The following ANK3 variants were observed in gnomAD, a reference collection of about 807,000 sequenced individuals.
ANK3 encodes the protein ankyrin-3.
ANK3 carries 57 observed loss-of-function variants against 370.9 expected under a neutral mutation model. That is an observed-to-expected ratio of 0.15 (90% CI 0.12 to 0.19). ANK3 has a LOEUF of 0.19. Ranked by LOEUF, ANK3 falls within the 10% of genes least tolerant of loss-of-function variation. The pLI is 1.00. For synonymous variants in ANK3, 1,929 were observed against 1,946.3 expected (o/e 0.99, Z 0.23); for missense variants, 4,439 against 5,302.1 (o/e 0.84, Z 5.06).
Position 60,082,655 on chromosome 10 carries a change from G to A in ANK3, c.4283C>T (p.Ala1428Val), listed in dbSNP as rs767554170. Residue 1428 changes from alanine to valine, a missense_variant, in exon 34 of 44, where the codon GCG becomes GTG. By Grantham distance (64) the Ala-to-Val change is moderately conservative. This residue lies in a region of ANK3 where 702 missense variants were observed against 941.5 expected (regional missense o/e 0.75). Coordinates refer to ENST00000280772, the MANE Select transcript of ANK3 (RefSeq NM_020987.5). ...CAGAGTGATATTTAAGTTGCAAACC[G>A]CTGTTTGAGGCAGTCCTTTTGTTGT... is the stretch of plus-strand genomic sequence containing the variant. ...PKTTKGLPQT[A>V]VCNLNITLPA... The A allele has an allele frequency of 6.8e-6, 11 of 1,614,076 alleles. No homozygotes were observed. Among genetic ancestry groups the A allele is most frequent in the Middle Eastern group, 1.7e-4 (1 of 6,060 alleles).
chr10:60,247,529 C>T (rs887254953), intron 7 of ANK3, among the ~76,000 whole-genome samples: 6 of 152,208 alleles, frequency 3.9e-5, no homozygotes, highest in African/African-American at 1.4e-4. Context: ...CCCCTTTCCT[C>T]CCAGCCCAGG....
chr10:60,315,444 G>A (rs994155385), intron 1 of ANK3, among the ~76,000 whole-genome samples: 4 of 151,996 alleles, frequency 2.6e-5, no homozygotes, highest in African/African-American at 9.7e-5. Flanking sequence ...AAGAAGTTGG[G>A]CATAGAACCC....
At chr10:60,035,242 AT>A (rs1301664671) in intron 43 of ANK3, among the ~76,000 whole-genome samples, 6 of 151,748 alleles carry the variant, frequency 4.0e-5, no homozygotes, top group Non-Finnish European at 5.9e-5. Context: ...TTTCTTATTT[AT>A]TTTTTAATTA....
At chr10:60,270,570 A>C (rs936785347) in intron 4 of ANK3, among the ~76,000 whole-genome samples, 6 of 152,212 alleles carry the variant, frequency 3.9e-5, no homozygotes, top group African/African-American at 1.2e-4. Flanking sequence ...GTCTACCATG[A>C]GTAAGTATTT....
intron 2 of ANK3, among the ~76,000 whole-genome samples, chr10:60,561,245 A>G (rs1467135571): frequency 6.6e-6 from 1 of 152,240 alleles, no homozygotes; most frequent in Non-Finnish European, 1.5e-5. Flanking sequence ...CTGTATTCCA[A>G]GGTAATATTT....
At chr10:60,592,160 T>C (rs1294541637) in intron 2 of ANK3, among the ~76,000 whole-genome samples, 1 of 152,168 alleles carries the variant, frequency 6.6e-6, no homozygotes, top group Non-Finnish European at 1.5e-5. Context: ...TCACATTGAA[T>C]GCCTGTATCA....
At chr10:60,475,289 A>G (rs2075032844) in intron 2 of ANK3, among the ~76,000 whole-genome samples, 1 of 151,200 alleles carries the variant, frequency 6.6e-6, no homozygotes, top group Non-Finnish European at 1.5e-5. Context: ...GTCAACTATG[A>G]CAGAAAAAGT....
chr10:60,112,697 T>G (rs1448431485), intron 26 of ANK3, among the ~76,000 whole-genome samples: 5 of 152,134 alleles, frequency 3.3e-5, no homozygotes, highest in African/African-American at 1.2e-4. Flanking sequence ...CATTATAAGG[T>G]TCAAGTAAAT....
intron 7 of ANK3, among the ~76,000 whole-genome samples, chr10:60,247,860 T>C (rs201654766): frequency 6.6e-6 from 1 of 152,156 alleles, no homozygotes; most frequent in East Asian, 1.9e-4. Context: ...AGAGATGGCA[T>C]TTCACCATGT....
At chr10:60,138,756 T>C (rs1382209181) in intron 24 of ANK3, 1 of 639,220 alleles carries the variant, frequency 1.6e-6, no homozygotes, top group East Asian at 2.9e-5. Flanking sequence ...AACACACAAT[T>C]AACATGTTCA....
intron 1 of ANK3, among the ~76,000 whole-genome samples, chr10:60,340,283 A>G (rs1244384642): frequency 1.3e-5 from 2 of 152,192 alleles, no homozygotes; most frequent in Non-Finnish European, 2.9e-5. Flanking sequence ...CAGAGTACTG[A>G]ACTATAATGG....
At chr10:60,368,078 A>C (rs1277238853) in intron 1 of ANK3, among the ~76,000 whole-genome samples, 1 of 152,196 alleles carries the variant, frequency 6.6e-6, no homozygotes, top group Non-Finnish European at 1.5e-5. Context: ...AAATACAAGT[A>C]GCCCTGTATC....
chr10:60,455,103 C>T (rs1046762992), intron 2 of ANK3, among the ~76,000 whole-genome samples: 22 of 151,928 alleles, frequency 1.4e-4, no homozygotes, highest in Non-Finnish European at 3.2e-4. Context: ...AACTCCAATG[C>T]ATAAAACAGA....
At chr10:60,488,383 T>A (rs1938528) in intron 2 of ANK3, among the ~76,000 whole-genome samples, 51,211 of 152,088 alleles carry the variant, frequency 0.34, 9,003 homozygotes, top group Middle Eastern at 0.39. Context: ...TGAGAAATAT[T>A]TTTTAAAATG....
chr10:60,339,126 A>T (rs961756273), intron 1 of ANK3, among the ~76,000 whole-genome samples: 1 of 152,188 alleles, frequency 6.6e-6, no homozygotes, highest in Non-Finnish European at 1.5e-5. Context: ...TAGCATGATT[A>T]AAAGGTTCAG....
intron 34 of ANK3, 79 bp from the exon 35 acceptor site, chr10:60,082,255 GGACT>G (rs1564873709): frequency 7.9e-7 from 1 of 1,259,608 alleles, no homozygotes; most frequent in Admixed American, 1.9e-5. Flanking sequence ...GATATGAAAA[GGACT>G]GAGTAGGGAG....
chr10:60,288,192 C>G (rs1232201021), intron 1 of ANK3, among the ~76,000 whole-genome samples: 1 of 152,122 alleles, frequency 6.6e-6, no homozygotes, highest in Non-Finnish European at 1.5e-5. Context: ...CACTTTCCCT[C>G]CCCGACCAAC....
At chr10:60,551,454 T>C (rs1204834615) in intron 2 of ANK3, among the ~76,000 whole-genome samples, 1 of 152,148 alleles carries the variant, frequency 6.6e-6, no homozygotes, top group Non-Finnish European at 1.5e-5. Flanking sequence ...CATTTACAAA[T>C]TAACCCACAA....
chr10:60,481,464 GAT>G (rs57285526), intron 2 of ANK3, among the ~76,000 whole-genome samples: 1 of 150,856 alleles, frequency 6.6e-6, no homozygotes, highest in Non-Finnish European at 1.5e-5. Flanking sequence ...ACACAAGGAA[GAT>G]ATATATATAT....
Sources: allele counts gnomAD v4.1 joint callset (sites outside exome capture counted in the v4.1 genomes callset), GRCh38; gene constraint gnomAD v4.1.1; regional missense constraint gnomAD v4.1.1; transcripts MANE v1.5; gene names NCBI Gene and HGNC (gene_info 2026-07-23, HGNC 2026-07-21).